Variants in PDE6G observed in about 807,000 individuals in gnomAD.
PDE6G encodes phosphodiesterase 6G.
PDE6G carries 10 observed loss-of-function variants against 10.9 expected under a neutral mutation model. That is an observed-to-expected ratio of 0.91 (90% CI 0.56 to 1.55). PDE6G has a LOEUF of 1.55. PDE6G is among the 40% of genes most tolerant of loss of function. The probability of loss-of-function intolerance (pLI) is 0.00; values close to 1 mark genes in which losing one functional copy is unlikely to be tolerated. For missense variants in PDE6G, 102 were observed against 110.1 expected, an observed-to-expected ratio of 0.93 and a Z score of 0.33; for synonymous variants, 41 against 42.8, an observed-to-expected ratio of 0.96 and a Z score of 0.16.
chr17:81,656,786 A>T, upstream of PDE6G: 1 of 620,634 alleles, frequency 1.6e-6, no homozygotes, highest in Non-Finnish European at 2.9e-6. Context: ...CATCTTCCAG[A>T]TGGAAGCAAC....
At chr17:81,661,358 G>T (rs929737574), upstream of PDE6G, among the ~76,000 whole-genome samples, 1 of 152,352 alleles carries the variant, frequency 6.6e-6, no homozygotes, top group East Asian at 1.9e-4. Context: ...GCAGGAGGCA[G>T]TCGAATGCCT....
rs2036356124 is a variant in PDE6G at position 81,651,572 on chromosome 17, TG to T, written c.187+72del. ...AGGTGGGGGCCGAGGTGGGCTGCAA[TG>T]GGCCCCGGGCGTGCTGGGTGTGCCT... On this transcript the variant is annotated intron_variant, in intron 3 of 3. Transcript: ENST00000331056. This position sits in a 1 kb window ranked among gnomAD's most constrained non-coding sequence, Gnocchi z 4.8. The T allele has an allele frequency of 6.9e-7, 1 of 1,444,772 alleles. No individual in the cohort carries two copies. The highest frequency in any genetic ancestry group is 1.4e-5 in the African/African-American group (1 of 71,540). The allele number at this position is 1,444,772 out of a possible 1,614,324, so 89.5% of individuals were successfully genotyped here.
At chr17:81,656,012 G>A (rs914137329) in intron 1 of PDE6G, among the ~76,000 whole-genome samples, 1 of 152,104 alleles carries the variant, frequency 6.6e-6, no homozygotes, top group Non-Finnish European at 1.5e-5. Flanking sequence ...TCAGGAGCCC[G>A]GTGGTCCCAG....
intron 1 of PDE6G, among the ~76,000 whole-genome samples, chr17:81,662,466 T>C (rs1370584718): frequency 2.0e-5 from 3 of 152,012 alleles, no homozygotes; most frequent in African/African-American, 4.8e-5. Flanking sequence ...CTACTAAAAA[T>C]ATAAAAATTA....
chr17:81,662,468 T>C (rs781104119), intron 1 of PDE6G, among the ~76,000 whole-genome samples: 3 of 152,096 alleles, frequency 2.0e-5, no homozygotes, highest in Non-Finnish European at 2.9e-5. Flanking sequence ...ACTAAAAATA[T>C]AAAAATTAGC....
At chr17:81,655,434 G>T (rs1217849000) in intron 1 of PDE6G, among the ~76,000 whole-genome samples, 1 of 152,232 alleles carries the variant, frequency 6.6e-6, no homozygotes, top group Non-Finnish European at 1.5e-5. Flanking sequence ...AGGGTCACCC[G>T]CCTGGCGTGG....
In PDE6G at chr17:81,650,864, TG is replaced by T. The variant is rs572983101; in HGVS notation, c.*209del. 8.4e-5 allele frequency: 54 copies of T among 646,340 alleles called. No individual in the cohort carries two copies. In the African/African-American group the frequency reaches 8.6e-4, roughly 10 times the overall value. 40.0% of individuals were successfully genotyped at this position (646,340 alleles called of 1,614,324 possible). ...GTATCTCCAGATGTTGAGCAGGGCC[TG>T]GCCAGCCCCTGAGGGGGCATCCTAG... On this transcript the variant is annotated 3_prime_UTR_variant, in exon 4 of 4. Coordinates refer to ENST00000331056, the MANE Select transcript of PDE6G (RefSeq NM_002602.4).
chr17:81,661,721 G>T (rs998911007), intron 1 of PDE6G, among the ~76,000 whole-genome samples: 3 of 151,974 alleles, frequency 2.0e-5, no homozygotes, highest in African/African-American at 7.2e-5. Context: ...TTAGCCATGC[G>T]TGGTGGTGGG....
chr17:81,650,602 C>G lies in PDE6G; in HGVS notation c.*472G>C, dbSNP rs1224831762. On this transcript the variant is annotated 3_prime_UTR_variant, in exon 4 of 4. Transcript: ENST00000331056. ...AGTCCTGCTACCCAGCATGTCCAAA[C>G]TAAGGGCACCCCCCTGGGAAGGGAT... 2.2e-6 allele frequency: 1 copy of G among 454,428 alleles called. No individual in the cohort carries two copies. Among genetic ancestry groups the G allele is most frequent in the East Asian group, 6.9e-5 (1 of 14,420 alleles). The allele number at this position is 454,428 out of a possible 1,614,324, so 28.1% of individuals were successfully genotyped here.
In PDE6G at chr17:81,653,411, A is replaced by C; in HGVS notation, c.-59-47T>G. ...GTCCCAGTCAGCCCTCCTGCTTCCA[A>C]CCCTTGTGGGGGTCTCAACCCACCG... On this transcript the variant is annotated intron_variant, in intron 1 of 3. Transcript: ENST00000331056. This position sits in a 1 kb window ranked among gnomAD's most constrained non-coding sequence, Gnocchi z 5.2. 1 of 1,364,950 alleles carries C rather than the reference A, an allele frequency of 7.3e-7. No homozygotes were observed. The highest frequency in any genetic ancestry group is 1.0e-6 in the Non-Finnish European group (1 of 990,164). The allele number at this position is 1,364,950 out of a possible 1,614,324, so 84.6% of individuals were successfully genotyped here.
intron 1 of PDE6G, among the ~76,000 whole-genome samples, chr17:81,662,885 G>C (rs577111319): frequency 1.1e-4 from 16 of 152,318 alleles, no homozygotes; most frequent in African/African-American, 3.4e-4. Context: ...TGTAGTCCCA[G>C]CTACTTGTGT....
upstream of PDE6G, among the ~76,000 whole-genome samples, chr17:81,658,823 AGTGAGACTCT>A (rs1275006149): frequency 1.3e-5 from 2 of 152,204 alleles, no homozygotes; most frequent in Non-Finnish European, 2.9e-5. Context: ...CCTGGGCAAC[AGTGAGACTCT>A]GTCTCAAAAA....
chr17:81,652,237 G>A (rs938996567), intron 2 of PDE6G, among the ~76,000 whole-genome samples: 5 of 152,116 alleles, frequency 3.3e-5, no homozygotes, highest in Admixed American at 6.5e-5. Flanking sequence ...GACACTCCTC[G>A]GTGCATTGTG....
upstream of PDE6G, among the ~76,000 whole-genome samples, chr17:81,660,085 C>G (rs950076113): frequency 6.6e-6 from 1 of 151,388 alleles, no homozygotes; most frequent in Non-Finnish European, 1.5e-5. Context: ...AACTTCATCT[C>G]AAAAAAAGAA....
upstream of PDE6G, chr17:81,656,918 T>G (rs2036454273): frequency 2.4e-6 from 1 of 408,848 alleles, no homozygotes; most frequent in South Asian, 2.4e-5. Flanking sequence ...TGCTGTGGCC[T>G]CACATCTCAC....
intron 1 of PDE6G, among the ~76,000 whole-genome samples, chr17:81,662,451 C>A (rs908979758): frequency 1.3e-5 from 2 of 152,256 alleles, no homozygotes; most frequent in East Asian, 3.9e-4. Flanking sequence ...GGCAAAACCA[C>A]GTCTCTACTA....
At chr17:81,654,326 G>C (rs1244634447) in intron 1 of PDE6G, among the ~76,000 whole-genome samples, 1 of 151,330 alleles carries the variant, frequency 6.6e-6, no homozygotes, top group Non-Finnish European at 1.5e-5. Context: ...CACGCGTCGA[G>C]TTAGCCCTGA....
intron 1 of PDE6G, among the ~76,000 whole-genome samples, chr17:81,654,210 A>G (rs897185266): frequency 2.0e-5 from 3 of 151,940 alleles, no homozygotes; most frequent in Admixed American, 6.6e-5. Context: ...GCCCTTCCTG[A>G]TGGTTAGTGG....
upstream of PDE6G, chr17:81,656,648 A>C: frequency 1.4e-6 from 1 of 705,452 alleles, no homozygotes; most frequent in East Asian, 2.7e-5. Context: ...GGGCACAACC[A>C]CCAAGGTTCA....
Sources: gnomAD v4.1 joint callset for allele counts (sites outside exome capture counted in the v4.1 genomes callset) on GRCh38, gnomAD v4.1.1 for gene constraint, Gnocchi (gnomAD v3.1) non-coding constraint, MANE v1.5 for transcripts, NCBI Gene and HGNC (gene_info 2026-07-23, HGNC 2026-07-21) for gene names.